ZBBX: variants seen among roughly 807,000 people sequenced by gnomAD.
ZBBX encodes the protein zinc finger B-box domain-containing protein 1.
In ZBBX, 101 loss-of-function variants were observed where a neutral mutation model predicts 108.5. The ratio of observed to expected loss-of-function variants is 0.93; its 90% confidence interval spans 0.79 to 1.10. The LOEUF is 1.10. ZBBX is among the 50% of genes least tolerant of loss of function. ZBBX has a pLI of 0.00. For missense variants in ZBBX, 1,009 were observed against 941.4 expected, an observed-to-expected ratio of 1.07 and a Z score of -0.94; for synonymous variants, 356 against 323.4, an observed-to-expected ratio of 1.10 and a Z score of -1.08.
downstream of ZBBX, among the ~76,000 whole-genome samples, chr3:167,235,019 T>C (rs1720175319): frequency 6.6e-6 from 1 of 151,722 alleles, no homozygotes; most frequent in South Asian, 2.1e-4. Flanking sequence ...TGAAATAACA[T>C]AGTAAGATGT....
At position 167,360,713 on chromosome 3, in the gene ZBBX, C is replaced by A; in HGVS notation, c.284G>T (p.Gly95Val). 1 of 1,389,908 alleles carries A rather than the reference C, an allele frequency of 7.2e-7. No individual in the cohort carries two copies. The highest frequency in any genetic ancestry group is 9.4e-7 in the Non-Finnish European group (1 of 1,061,676). The allele number at this position is 1,389,908 out of a possible 1,614,324, so 86.1% of individuals were successfully genotyped here. ...NKGNVVKFSAGKVKLKLLKEQ... is the reference protein window; with the variant it reads ...NKGNVVKFSAVKVKLKLLKEQ... ...CTTCAGCAATTTTAATTTCACTTTT[C>A]CAGCAGAAAACTGTATTAATAAAAT... Residue 95 changes from glycine (G) to valine (V), a missense_variant, in exon 7 of 22, where the codon GGA becomes GTA. Physicochemically the swap from Gly to Val is moderately radical, Grantham distance 109. Coordinates refer to ENST00000675490, the MANE Select transcript of ZBBX (RefSeq NM_001199201.2).
chr3:167,211,828 C>T, the ZBBX span, among the ~76,000 whole-genome samples: 122,321 of 152,004 alleles, frequency 0.8, 49,517 homozygotes, highest in East Asian at 0.9. Flanking sequence ...GAGATCTGAA[C>T]TGCCCCTGGG....
chr3:167,301,109 C>T (rs1226761801), intron 17 of ZBBX, among the ~76,000 whole-genome samples: 2 of 152,130 alleles, frequency 1.3e-5, no homozygotes, highest in East Asian at 1.9e-4. Context: ...CCAGTGTATG[C>T]TGTTCCCCTC....
At chr3:167,385,587 A>C (rs1054714090) in intron 1 of ZBBX, among the ~76,000 whole-genome samples, 1 of 152,008 alleles carries the variant, frequency 6.6e-6, no homozygotes, top group Non-Finnish European at 1.5e-5. Context: ...TTGTAATGAC[A>C]ACTCAAAACA....
rs762556057 is a variant in ZBBX at position 167,365,976 on chromosome 3, C to G, written c.183G>C (p.Glu61Asp). 1 of 1,598,480 alleles carries G rather than the reference C, an allele frequency of 6.3e-7. No homozygotes were observed. Among genetic ancestry groups the G allele is most frequent in the Admixed American group, 1.7e-5 (1 of 59,626 alleles). ...STRNKEKEDRESSEYYWKSGK... is the reference protein window; with the variant it reads ...STRNKEKEDRDSSEYYWKSGK... ...CAGATTTCCAGTAATACTCGCTTGA[C>G]CTTTAATATATATAAACAAGATAAA... The change falls in exon 6 of 22, where the codon GAG becomes GAC. Residue 61 changes from glutamate to aspartate, a missense_variant and splice_region_variant. Physicochemically the swap from Glu to Asp is conservative, Grantham distance 45. Coordinates refer to ENST00000675490, the MANE Select transcript of ZBBX (RefSeq NM_001199201.2).
the ZBBX span, among the ~76,000 whole-genome samples, chr3:167,182,038 C>T: frequency 6.6e-6 from 1 of 152,128 alleles, no homozygotes; most frequent in African/African-American, 2.4e-5. Context: ...ACTGATTAGC[C>T]CAGTGTTTTC....
intron 8 of ZBBX, among the ~76,000 whole-genome samples, chr3:167,351,121 G>T (rs916694479): frequency 6.6e-6 from 1 of 151,592 alleles, no homozygotes; most frequent in African/African-American, 2.4e-5. Flanking sequence ...ATACTAGATG[G>T]AACTACATTA....
chr3:167,317,079 C>A lies in ZBBX; in HGVS notation c.1120G>T (p.Ala374Ser). The change falls in exon 14 of 22, where the codon GCT becomes TCT. Residue 374 changes from alanine (A) to serine (S), a missense_variant. By Grantham distance (99) the Ala-to-Ser change is moderately conservative. Transcript: ENST00000675490. ...DGEETKVQHT[A>S]LLLPVETLNI... is the part of the protein sequence containing the mutation. ...AATGTTTCTACTGGCAATAAAAGAGCTGTGTGTTGTACTTTGGTCTCCTCA... is the reference window on the plus strand; with the variant it reads ...AATGTTTCTACTGGCAATAAAAGAGATGTGTGTTGTACTTTGGTCTCCTCA... The A allele has an allele frequency of 5.0e-6, 8 of 1,610,332 alleles. No homozygotes were observed. Among genetic ancestry groups the A allele is most frequent in the Non-Finnish European group, 6.8e-6 (8 of 1,177,592 alleles).
chr3:167,276,932 C>T (rs1006823780), intron 20 of ZBBX, among the ~76,000 whole-genome samples: 13 of 151,794 alleles, frequency 8.6e-5, no homozygotes, highest in South Asian at 2.1e-4. Context: ...AGAGTGGGGG[C>T]CAATATTCAA....
chr3:167,310,603 G>A (rs1455474024), intron 16 of ZBBX, among the ~76,000 whole-genome samples: 1 of 152,072 alleles, frequency 6.6e-6, no homozygotes, highest in Non-Finnish European at 1.5e-5. Context: ...CTGGGGATCT[G>A]CCACACACTT....
In ZBBX at chr3:167,305,692, A is replaced by T. The variant is rs1307086248; in HGVS notation, c.1676T>A (p.Leu559Gln). The T allele has an allele frequency of 6.2e-7, 1 of 1,608,364 alleles. No homozygotes were observed. Among genetic ancestry groups the T allele is most frequent in the Admixed American group, 1.7e-5 (1 of 59,326 alleles). ...TTCTTCAAAGCTTGGCCTCTTATAC[A>T]GATTGCTCAATTCCAAGGATTCTTT... ...DIKESLELSN[L>Q]YKRPSFEESK... Residue 559 changes from leucine to glutamine, a missense_variant, in exon 17 of 22, where the codon CTG becomes CAG. Leu to Gln is a moderately radical substitution (Grantham distance 113). Coordinates refer to ENST00000675490, the MANE Select transcript of ZBBX (RefSeq NM_001199201.2).
intron 20 of ZBBX, among the ~76,000 whole-genome samples, chr3:167,258,155 G>T (rs1015479098): frequency 2.0e-5 from 3 of 152,022 alleles, no homozygotes; most frequent in African/African-American, 4.8e-5. Flanking sequence ...GTAGATGTTG[G>T]CATGGATGCG....
chr3:167,218,745 A>T, the ZBBX span, among the ~76,000 whole-genome samples: 1 of 152,144 alleles, frequency 6.6e-6, no homozygotes, highest in Non-Finnish European at 1.5e-5. Flanking sequence ...CCAGAACACA[A>T]ATAACTAAAT....
chr3:167,227,656 A>G, the ZBBX span, among the ~76,000 whole-genome samples: 114 of 151,846 alleles, frequency 7.5e-4, no homozygotes, highest in African/African-American at 2.7e-3. Context: ...AAAATTATAC[A>G]AGTTTACAAT....
rs959566943 is a variant in ZBBX at position 167,277,916 on chromosome 3, A to G, written c.2254+4322T>C. On this transcript the variant is annotated intron_variant, in intron 20 of 21. Transcript: ENST00000675490. ...CAAACTATCTCTCAGACCACAGTGCAATGAAACTAGAACTCAGGATTAAGA... is the reference window on the plus strand; with the variant it reads ...CAAACTATCTCTCAGACCACAGTGCGATGAAACTAGAACTCAGGATTAAGA... Among the ~76,000 whole-genome samples, 731 of 151,918 alleles carry G rather than the reference A, an allele frequency of 4.8e-3. 2 individuals are homozygous for G. Among genetic ancestry groups the G allele is most frequent in the Non-Finnish European group, 7.6e-3 (515 of 67,984 alleles).
intron 4 of ZBBX, chr3:167,368,854 A>T: frequency 2.5e-6 from 1 of 394,096 alleles, no homozygotes; most frequent in Non-Finnish European, 3.6e-6. Context: ...ATGTTTTTAT[A>T]TATGAACAAA....
chr3:167,405,722 T>C (rs561938585), intron 1 of ZBBX, among the ~76,000 whole-genome samples: 2 of 152,258 alleles, frequency 1.3e-5, no homozygotes, highest in African/African-American at 4.8e-5. Flanking sequence ...CACCAATAAT[T>C]TAAAAGCCTA....
chr3:167,259,829 CAG>C (rs1265015031), intron 20 of ZBBX, among the ~76,000 whole-genome samples: 1 of 152,064 alleles, frequency 6.6e-6, no homozygotes, highest in East Asian at 1.9e-4. Context: ...CCACTGTGGT[CAG>C]AGAGTGCTTG....
the ZBBX span, among the ~76,000 whole-genome samples, chr3:167,218,793 C>T: frequency 6.6e-6 from 1 of 151,936 alleles, no homozygotes; most frequent in African/African-American, 2.4e-5. Context: ...GATAAGATTG[C>T]ATATAAATGG....
Sources: gnomAD v4.1 joint callset for allele counts (sites outside exome capture counted in the v4.1 genomes callset) on GRCh38, gnomAD v4.1.1 for gene constraint, MANE v1.5 for transcripts, NCBI Gene and HGNC (gene_info 2026-07-23, HGNC 2026-07-21) for gene names.